PPP2R2B: variants seen among roughly 807,000 people sequenced by gnomAD.
The protein encoded by PPP2R2B is protein phosphatase 2 regulatory subunit Bbeta.
A neutral mutation model predicts 46.0 loss-of-function variants in PPP2R2B; 5 were observed. The ratio of observed to expected loss-of-function variants is 0.11; its 90% confidence interval spans 0.06 to 0.23. The LOEUF (loss-of-function observed/expected upper bound fraction) is 0.23, where lower values mean the gene tolerates loss of function less well. Ranked by LOEUF, PPP2R2B falls within the 10% of genes least tolerant of loss-of-function variation. The pLI is 1.00. For missense variants in PPP2R2B, 367 were observed against 575.0 expected, an observed-to-expected ratio of 0.64 and a Z score of 3.70; for synonymous variants, 215 against 206.7, an observed-to-expected ratio of 1.04 and a Z score of -0.34.
intron 5 of PPP2R2B, among the ~76,000 whole-genome samples, chr5:146,689,476 T>C (rs1778703986): frequency 2.0e-5 from 3 of 152,206 alleles, no homozygotes; most frequent in Admixed American, 1.3e-4. Context: ...TACAGGTTTG[T>C]AGCCGAGGAC....
chr5:146,628,657 T>G (rs1581749277), intron 7 of PPP2R2B, among the ~76,000 whole-genome samples: 3 of 152,342 alleles, frequency 2.0e-5, no homozygotes, highest in Admixed American at 2.0e-4. Context: ...GGAATTAAGA[T>G]GCTACTGCAG....
At chr5:146,662,397 T>C (rs1263438404) in intron 5 of PPP2R2B, among the ~76,000 whole-genome samples, 1 of 152,210 alleles carries the variant, frequency 6.6e-6, no homozygotes, top group East Asian at 1.9e-4. Context: ...TGACTTAAGA[T>C]TGACATTTCA....
At chr5:146,856,445 C>A (rs1760671337) in intron 2 of PPP2R2B, 1 of 1,384,572 alleles carries the variant, frequency 7.2e-7, no homozygotes, top group Admixed American at 1.7e-5. Flanking sequence ...CTATTTAACA[C>A]TTCTATACTG....
At chr5:146,885,513 C>G (rs146467563) in intron 1 of PPP2R2B, among the ~76,000 whole-genome samples, 1 of 152,288 alleles carries the variant, frequency 6.6e-6, no homozygotes, top group African/African-American at 2.4e-5. Flanking sequence ...CCTTCAAATC[C>G]TACATTGCTT....
chr5:147,065,842 T>C (rs548509025), intron 2 of PPP2R2B, among the ~76,000 whole-genome samples: 14 of 152,060 alleles, frequency 9.2e-5, no homozygotes, highest in African/African-American at 3.1e-4. Flanking sequence ...TTGACAAAAA[T>C]GAAAGAGTTT....
chr5:146,833,308 G>A (rs1759073410), intron 2 of PPP2R2B, among the ~76,000 whole-genome samples: 1 of 152,110 alleles, frequency 6.6e-6, no homozygotes, highest in Admixed American at 6.6e-5. Flanking sequence ...AAGAGAGATT[G>A]TGCTGTGCTC....
chr5:146,817,779 A>T (rs1406474577), intron 2 of PPP2R2B, among the ~76,000 whole-genome samples: 1 of 152,198 alleles, frequency 6.6e-6, no homozygotes, highest in African/African-American at 2.4e-5. Flanking sequence ...TACATCTCTC[A>T]TCTAGGCTCA....
chr5:146,700,019 C>A (rs531137824), intron 3 of PPP2R2B, among the ~76,000 whole-genome samples: 1 of 152,188 alleles, frequency 6.6e-6, no homozygotes, highest in South Asian at 2.1e-4. Context: ...TTATATGGAA[C>A]CCCGAGGGAT....
chr5:146,976,603 G>T (rs533415212), intron 1 of PPP2R2B, among the ~76,000 whole-genome samples: 15 of 152,116 alleles, frequency 9.9e-5, no homozygotes, highest in African/African-American at 3.6e-4. Flanking sequence ...CTATCAATTT[G>T]TAACATTATT....
chr5:146,993,800 C>T (rs969817462), intron 1 of PPP2R2B, among the ~76,000 whole-genome samples: 2 of 128,940 alleles, frequency 1.6e-5, no homozygotes, highest in African/African-American at 5.2e-5. Context: ...TAGAAATATC[C>T]AGCACAGTTT....
At chr5:146,918,994 C>A (rs964558799) in intron 1 of PPP2R2B, among the ~76,000 whole-genome samples, 1 of 152,172 alleles carries the variant, frequency 6.6e-6, no homozygotes, top group Non-Finnish European at 1.5e-5. Context: ...TAGCTGAATG[C>A]CTGACACGAG....
chr5:146,829,847 C>CTTTTTTTTTTTTTTTTTTTTTTTTTG, intron 2 of PPP2R2B, among the ~76,000 whole-genome samples: 1 of 152,106 alleles, frequency 6.6e-6, no homozygotes. Context: ...AATCTATTTT[C>CTTTTTTTTTTTTTTTTTTTTTTTTTG]ATTGCAGGCA....
intron 2 of PPP2R2B, among the ~76,000 whole-genome samples, chr5:146,833,710 T>C (rs1759096990): frequency 6.6e-6 from 1 of 152,082 alleles, no homozygotes; most frequent in Non-Finnish European, 1.5e-5. Context: ...CCGTGTCTCT[T>C]CTTTTTCTGT....
chr5:147,028,995 A>G (rs1341560995), intron 1 of PPP2R2B, among the ~76,000 whole-genome samples: 3 of 152,084 alleles, frequency 2.0e-5, no homozygotes, highest in South Asian at 2.1e-4. Context: ...CTATTGTTCT[A>G]TTGAGCTGTC....
chr5:147,055,975 C>A (rs912802377), upstream of PPP2R2B: 2 of 1,366,808 alleles, frequency 1.5e-6, no homozygotes, highest in Non-Finnish European at 1.9e-6. Flanking sequence ...AGCCCCCAAG[C>A]AAGCCGGGAT....
At chr5:146,753,965 A>C (rs1474910546) in intron 2 of PPP2R2B, among the ~76,000 whole-genome samples, 1 of 152,084 alleles carries the variant, frequency 6.6e-6, no homozygotes, top group African/African-American at 2.4e-5. Context: ...TGCTTAAATC[A>C]AGCAGAATTG....
intron 2 of PPP2R2B, among the ~76,000 whole-genome samples, chr5:147,071,437 G>GCTA (rs1757595357): frequency 2.0e-5 from 3 of 152,102 alleles, no homozygotes; most frequent in Non-Finnish European, 1.5e-5. Flanking sequence ...ATTTATAATG[G>GCTA]TTTATAAGGT....
At chr5:146,651,873 AC>A (rs1429610496) in intron 5 of PPP2R2B, among the ~76,000 whole-genome samples, 3 of 152,098 alleles carry the variant, frequency 2.0e-5, no homozygotes, top group African/African-American at 7.2e-5. Flanking sequence ...CACCAACATA[AC>A]CTTTTAGAAA....
intron 2 of PPP2R2B, among the ~76,000 whole-genome samples, chr5:146,805,466 A>T (rs1378205559): frequency 6.6e-6 from 1 of 152,206 alleles, no homozygotes; most frequent in Non-Finnish European, 1.5e-5. Flanking sequence ...AATGGTTTTG[A>T]AAATGGAAAG....
Sources: allele counts gnomAD v4.1 joint callset (sites outside exome capture counted in the v4.1 genomes callset), GRCh38; gene constraint gnomAD v4.1.1; transcripts MANE v1.5; gene names NCBI Gene and HGNC (gene_info 2026-07-23, HGNC 2026-07-21).